The following ZNF83 variants were observed in gnomAD, a reference collection of about 807,000 sequenced individuals.
ZNF83 encodes zinc finger protein 816B.
For synonymous variants in ZNF83, 209 were observed against 213.0 expected (o/e 0.98, Z 0.17); for missense variants, 552 against 629.9 (o/e 0.88, Z 1.32).
chr19:52,687,604 T>A lies in ZNF83; in HGVS notation c.-283+2839A>T, dbSNP rs1568588900. On this transcript the variant is annotated intron_variant, in intron 1 of 5. Coordinates refer to the ZNF83 transcript ENST00000594682. ...TATATATATATATATATAATGTATA[T>A]ATATATAATGTGTATATATATATAT... 4.4e-4 allele frequency among the ~76,000 whole-genome samples: 17 copies of A among 38,946 alleles called. No individual in the cohort carries two copies. In the African/African-American group the frequency reaches 6.5e-3, roughly 15 times the overall value. 25.6% of individuals were successfully genotyped at this position (38,946 alleles called of 152,430 possible). A position where few individuals can be genotyped will look rare whatever the true frequency, so the allele number is the denominator to read the frequency against.
At chr19:52,613,980 ATGT>A in exon 3 of ZNF83, 2 of 1,613,526 alleles carry the variant, frequency 1.2e-6, no homozygotes, top group South Asian at 1.1e-5. Flanking sequence ...GAATTCTTTG[ATGT>A]TGTGCAAGGT....
chr19:52,652,720 C>A (rs1216827327), intron 3 of ZNF83: 4 of 687,142 alleles, frequency 5.8e-6, no homozygotes, highest in Admixed American at 4.2e-5. Context: ...AGAATCATTA[C>A]ATTTGTAAAG....
intron 1 of ZNF83, among the ~76,000 whole-genome samples, chr19:52,685,377 A>T (rs1278561373): frequency 2.0e-5 from 3 of 151,920 alleles, no homozygotes; most frequent in Non-Finnish European, 4.4e-5. Flanking sequence ...GGTCTTTATC[A>T]CCCCTATCCT....
At chr19:52,637,916 C>T (rs2061206177) in intron 1 of ZNF83, among the ~76,000 whole-genome samples, 1 of 152,106 alleles carries the variant, frequency 6.6e-6, no homozygotes, top group Admixed American at 6.5e-5. Context: ...CAGGACCAGG[C>T]AAAGTACGCG....
intron 1 of ZNF83, among the ~76,000 whole-genome samples, chr19:52,661,588 G>A (rs904879780): frequency 3.3e-5 from 5 of 152,194 alleles, no homozygotes; most frequent in African/African-American, 9.6e-5. Context: ...TGATAGAATA[G>A]CATAAAAGAT....
At chr19:52,632,685 G>A (rs2061011656) in intron 2 of ZNF83, among the ~76,000 whole-genome samples, 1 of 152,016 alleles carries the variant, frequency 6.6e-6, no homozygotes, top group Admixed American at 6.6e-5. Flanking sequence ...ACCTCCTTAG[G>A]CACTCTCTAG....
chr19:52,655,660 T>C (rs969511259), exon 3 of ZNF83: 4 of 1,310,916 alleles, frequency 3.1e-6, no homozygotes, highest in Non-Finnish European at 4.4e-6. Flanking sequence ...GAGAATTCTA[T>C]AGCCACATCC....
chr19:52,652,569 T>A (rs2061455915), intron 3 of ZNF83: 1 of 434,464 alleles, frequency 2.3e-6, no homozygotes, highest in Non-Finnish European at 4.6e-6. Flanking sequence ...AACGTTTCTT[T>A]CCAGTATGAG....
intron 2 of ZNF83, among the ~76,000 whole-genome samples, chr19:52,657,326 AG>A (rs1296915847): frequency 1.3e-5 from 2 of 152,082 alleles, no homozygotes; most frequent in African/African-American, 4.8e-5. Context: ...ATTAAAAATT[AG>A]TGAAAAGGGG....
chr19:52,681,200 T>TCGAGCCCAGGAGACC (rs2147350391), intron 1 of ZNF83, among the ~76,000 whole-genome samples: 1 of 140,328 alleles, frequency 7.1e-6, no homozygotes, highest in South Asian at 2.3e-4. Context: ...TAGGAGAATC[T>TCGAGCCCAGGAGACC]CGAGCCCAGG....
At chr19:52,662,380 G>A (rs1033556026) in intron 1 of ZNF83, among the ~76,000 whole-genome samples, 1 of 152,112 alleles carries the variant, frequency 6.6e-6, no homozygotes, top group South Asian at 2.1e-4. Context: ...GAGAGCTGAG[G>A]AGCCAACTGA....
intron 1 of ZNF83, among the ~76,000 whole-genome samples, chr19:52,661,246 C>T (rs2061576172): frequency 6.6e-6 from 1 of 152,122 alleles, no homozygotes; most frequent in African/African-American, 2.4e-5. Context: ...AAAGACTGTC[C>T]TCTACTGCCC....
intron 1 of ZNF83, among the ~76,000 whole-genome samples, chr19:52,684,650 G>A (rs7250525): frequency 0.016 from 2,355 of 150,584 alleles, 34 homozygotes; most frequent in Middle Eastern, 0.041. Context: ...TGGGCAGAGG[G>A]AACTTCAGAT....
At chr19:52,633,746 T>C (rs139584050) in intron 2 of ZNF83, among the ~76,000 whole-genome samples, 52 of 149,202 alleles carry the variant, frequency 3.5e-4, no homozygotes, top group African/African-American at 1.3e-3. Context: ...CCTCATTTCT[T>C]CTAAAAATAC....
intron 1 of ZNF83, among the ~76,000 whole-genome samples, chr19:52,687,516 TAAA>T (rs2062048435): frequency 1.4e-5 from 1 of 69,158 alleles, no homozygotes; most frequent in African/African-American, 6.2e-5. Flanking sequence ...AAATTATATA[TAAA>T]TTTTATATAT....
chr19:52,616,558 G>T (rs1295913297), intron 2 of ZNF83, among the ~76,000 whole-genome samples: 6 of 152,022 alleles, frequency 3.9e-5, no homozygotes, highest in African/African-American at 7.2e-5. Context: ...AAAAGAACGA[G>T]GTTGGCAGGA....
At chr19:52,627,049 T>C (rs2060766464) in intron 2 of ZNF83, among the ~76,000 whole-genome samples, 1 of 152,100 alleles carries the variant, frequency 6.6e-6, no homozygotes, top group Non-Finnish European at 1.5e-5. Flanking sequence ...CCCCAACTGA[T>C]CGATCGACCT....
chr19:52,640,028 G>C (rs2061277615), upstream of ZNF83, among the ~76,000 whole-genome samples: 1 of 152,126 alleles, frequency 6.6e-6, no homozygotes. Context: ...GTTCATCCTG[G>C]CTCTATTTGG....
At chr19:52,642,488 G>A (rs139727545), upstream of ZNF83, among the ~76,000 whole-genome samples, 9 of 151,880 alleles carry the variant, frequency 5.9e-5, 1 homozygote, top group East Asian at 1.6e-3. Context: ...GGCTGGTCTC[G>A]AACTCCCGAC....
Sources: gnomAD v4.1 joint callset for allele counts (sites outside exome capture counted in the v4.1 genomes callset) on GRCh38, gnomAD v4.1.1 for gene constraint, MANE v1.5 for transcripts, NCBI Gene and HGNC (gene_info 2026-07-23, HGNC 2026-07-21) for gene names.